The following WDR70 variants were observed in gnomAD, a reference collection of about 807,000 sequenced individuals.
The protein encoded by WDR70 is WD repeat-containing protein 70.
A neutral mutation model predicts 88.6 loss-of-function variants in WDR70; 53 were observed. The ratio of observed to expected loss-of-function variants is 0.60; its 90% CI spans 0.48 to 0.75. The LOEUF (loss-of-function observed/expected upper bound fraction) is 0.75. Among genes scored for constraint, WDR70 ranks in the 30% least tolerant of loss-of-function variants. The probability of loss-of-function intolerance (pLI) is 0.00; values close to 1 mark genes in which losing one functional copy is unlikely to be tolerated. For synonymous variants in WDR70, 280 were observed against 270.0 expected (o/e 1.04, Z -0.36); for missense variants, 610 against 823.2 (o/e 0.74, Z 3.17).
At chr5:37,484,411 C>G (rs969110574) in intron 8 of WDR70, among the ~76,000 whole-genome samples, 10 of 152,300 alleles carry the variant, frequency 6.6e-5, no homozygotes, top group Middle Eastern at 6.8e-3. Context: ...GAAAACCAGT[C>G]AGGCGTGGCG....
Position 37,672,908 on chromosome 5 carries a change from C to A in WDR70, c.1093-24747C>A, listed in dbSNP as rs544005396. Among the ~76,000 whole-genome samples the A allele has an allele frequency of 2.5e-4, 38 of 152,276 alleles. 1 individual carries two copies. The South Asian group carries it at 7.9e-3, about 32-fold the overall frequency. On this transcript the variant is annotated intron_variant, in intron 10 of 17. Coordinates refer to ENST00000265107, the MANE Select transcript of WDR70 (RefSeq NM_018034.4). ...CCCCTTCATCTTCTGACTTTTACTTCAGGTTCAGGGCTACATGTGCAGGTT... is the reference window on the plus strand; with the variant it reads ...CCCCTTCATCTTCTGACTTTTACTTAAGGTTCAGGGCTACATGTGCAGGTT...
At chr5:37,562,655 G>C (rs1304968042) in intron 9 of WDR70, among the ~76,000 whole-genome samples, 3 of 152,070 alleles carry the variant, frequency 2.0e-5, no homozygotes, top group Non-Finnish European at 4.4e-5. Context: ...GACTCTTAAC[G>C]AGCATGCTGC....
At chr5:37,427,866 T>A (rs1195625925) in intron 5 of WDR70, among the ~76,000 whole-genome samples, 1 of 152,192 alleles carries the variant, frequency 6.6e-6, no homozygotes, top group East Asian at 1.9e-4. Flanking sequence ...TGAAACTCCG[T>A]CTCATAAAAG....
chr5:37,633,243 A>G lies in WDR70; in HGVS notation c.1092+28005A>G, dbSNP rs201323740. On this transcript the variant is annotated intron_variant, in intron 10 of 17. Coordinates refer to ENST00000265107, the MANE Select transcript of WDR70 (RefSeq NM_018034.4). ...CTACCAGAGTTTTTTCCCCTTCACT[A>G]TATTTCCAAATGCTATCTCTTAAAT... Among the ~76,000 whole-genome samples, 15 of 152,284 alleles carry G rather than the reference A, an allele frequency of 9.9e-5. No individual in the cohort carries two copies. The East Asian group carries it at 2.5e-3, about 25-fold the overall frequency.
intron 9 of WDR70, among the ~76,000 whole-genome samples, chr5:37,582,871 CT>C (rs1423889193): frequency 1.3e-5 from 2 of 152,228 alleles, no homozygotes; most frequent in African/African-American, 4.8e-5. Flanking sequence ...ATGGGCTGTC[CT>C]TGTGCGTAGC....
chr5:37,420,622 G>A (rs921035376), intron 5 of WDR70, among the ~76,000 whole-genome samples: 4 of 151,966 alleles, frequency 2.6e-5, no homozygotes, highest in African/African-American at 9.7e-5. Context: ...GTACAGATGG[G>A]GTCTTCATAT....
intron 15 of WDR70, chr5:37,723,641 G>T (rs1275528098): frequency 6.6e-6 from 1 of 152,242 alleles, no homozygotes; most frequent in Non-Finnish European, 1.5e-5. Context: ...GAGCCCAGGG[G>T]GCGCTGTACT....
chr5:37,432,269 T>C (rs13188741), intron 5 of WDR70, among the ~76,000 whole-genome samples: 38,642 of 151,598 alleles, frequency 0.25, 5,742 homozygotes, highest in East Asian at 0.47. Context: ...TGTGAAGTGA[T>C]ATTTCATTGT....
chr5:37,708,497 A>G (rs559730322), intron 13 of WDR70, among the ~76,000 whole-genome samples: 63 of 152,250 alleles, frequency 4.1e-4, no homozygotes, highest in South Asian at 2.7e-3. Context: ...ATAAATTTAA[A>G]AAGTATATTC....
At chr5:37,726,181 T>A (rs951834762) in intron 16 of WDR70, among the ~76,000 whole-genome samples, 6 of 152,228 alleles carry the variant, frequency 3.9e-5, no homozygotes, top group African/African-American at 1.4e-4. Flanking sequence ...CCATAATAGT[T>A]ACTGGCCATA....
chr5:37,493,869 C>T (rs548583853), intron 8 of WDR70, among the ~76,000 whole-genome samples: 16 of 148,290 alleles, frequency 1.1e-4, no homozygotes, highest in African/African-American at 3.2e-4. Context: ...CTCACTCTGT[C>T]GCGCAGTGGC....
intron 10 of WDR70, among the ~76,000 whole-genome samples, chr5:37,673,752 G>A (rs939908260): frequency 2.0e-5 from 3 of 151,788 alleles, no homozygotes; most frequent in South Asian, 2.1e-4. Context: ...TATTCTTCCC[G>A]ATTCTCTCCC....
At chr5:37,671,267 A>T (rs911724680) in intron 10 of WDR70, among the ~76,000 whole-genome samples, 1 of 152,136 alleles carries the variant, frequency 6.6e-6, no homozygotes, top group Non-Finnish European at 1.5e-5. Context: ...TCATCTTATT[A>T]TTGGAATTTG....
chr5:37,385,551 A>G (rs1748584247), intron 3 of WDR70, among the ~76,000 whole-genome samples: 1 of 134,950 alleles, frequency 7.4e-6, no homozygotes, highest in South Asian at 2.6e-4. Context: ...AAATTTCTAC[A>G]GATCTTAATT....
intron 8 of WDR70, among the ~76,000 whole-genome samples, chr5:37,500,906 T>G (rs909424429): frequency 6.6e-6 from 1 of 151,760 alleles, no homozygotes; most frequent in African/African-American, 2.4e-5. Context: ...CCTGGCTAAT[T>G]TTTTGTACTT....
intron 5 of WDR70, among the ~76,000 whole-genome samples, chr5:37,408,536 G>A (rs966279902): frequency 6.6e-6 from 1 of 152,084 alleles, no homozygotes; most frequent in Non-Finnish European, 1.5e-5. Flanking sequence ...TTTGAACTTT[G>A]TATCTTTGTT....
rs1259572019 is a variant in WDR70 at position 37,396,539 on chromosome 5, A to G, written c.461A>G (p.Glu154Gly). Residue 154 changes from glutamate (E) to glycine (G), a missense_variant, in exon 5 of 18, where the codon GAG (glutamate) becomes GGG (glycine). Coordinates refer to ENST00000265107, the MANE Select transcript of WDR70 (RefSeq NM_018034.4). ...CTTAATGAAGAAGAAGAAGAAGCAG[A>G]GGAAGAAGAAGAGGAAGAGGAGGAA... ...PPLNEEEEEA[E>G]EEEEEEEEEE... 3.7e-6 allele frequency: 6 copies of G among 1,612,554 alleles called. No homozygotes were observed. Among genetic ancestry groups the G allele is most frequent in the Non-Finnish European group, 4.2e-6 (5 of 1,179,818 alleles).
chr5:37,718,925 T>A (rs1747728111), intron 13 of WDR70, among the ~76,000 whole-genome samples: 1 of 152,050 alleles, frequency 6.6e-6, no homozygotes, highest in Non-Finnish European at 1.5e-5. Flanking sequence ...AAGTTATATA[T>A]TATATTAAAA....
At chr5:37,432,691 C>T (rs1008635363) in intron 5 of WDR70, among the ~76,000 whole-genome samples, 18 of 151,078 alleles carry the variant, frequency 1.2e-4, no homozygotes, top group Admixed American at 5.9e-4. Flanking sequence ...CCACCGCGCC[C>T]GGCCTTTGAG....
Sources: gnomAD v4.1 joint callset for allele counts (sites outside exome capture counted in the v4.1 genomes callset) on GRCh38, gnomAD v4.1.1 for gene constraint, MANE v1.5 for transcripts, NCBI Gene and HGNC (gene_info 2026-07-23, HGNC 2026-07-21) for gene names.